Variants in ALG13 observed in about 807,000 individuals in gnomAD.
ALG13 encodes the protein UDP-N-acetylglucosamine transferase subunit ALG13.
In ALG13, 11 loss-of-function variants were observed where a neutral mutation model predicts 87.8. That is an observed-to-expected ratio of 0.13 (90% CI 0.08 to 0.21). The LOEUF (loss-of-function observed/expected upper bound fraction) is 0.21. Among genes scored for constraint, ALG13 ranks in the 10% least tolerant of loss-of-function variants. ALG13 has a pLI of 1.00. For missense variants in ALG13, 756 were observed against 866.1 expected (o/e 0.87, Z 1.60); for synonymous variants, 320 against 306.3 (o/e 1.04, Z -0.47).
intron 3 of ALG13, among the ~76,000 whole-genome samples, chrX:111,705,670 G>T (rs925082388): frequency 2.7e-5 from 3 of 111,290 alleles, no homozygotes; most frequent in Non-Finnish European, 5.7e-5. Context: ...TTTGCATGTG[G>T]ATGGTCAATT....
intron 3 of ALG13, 66 bp downstream of exon 3, chrX:111,685,169 C>G: frequency 9.3e-7 from 1 of 1,072,410 alleles, no homozygotes; most frequent in Non-Finnish European, 1.3e-6. Context: ...CTCTTATCCA[C>G]CTACCTAACC....
chrX:111,726,936 G>A lies in ALG13; in HGVS notation c.1857G>A (p.Met619Ile), dbSNP rs1387730732. The A allele has an allele frequency of 8.3e-7, 1 of 1,211,625 alleles. No individual in the cohort carries two copies. Among genetic ancestry groups the A allele is most frequent in the Admixed American group, 2.2e-5 (1 of 46,061 alleles). The part of the protein sequence containing the change: ...PLLPPRLQHS[M>I]HYGHDPPMHY... ...TCCCACCCAGGCTGCAGCACAGTATGCATTATGGGCACGATCCTCCAATGC... is the reference window on the plus strand; with the variant it reads ...TCCCACCCAGGCTGCAGCACAGTATACATTATGGGCACGATCCTCCAATGC... The change falls in exon 16 of 27, where the codon ATG becomes ATA. Residue 619 changes from methionine to isoleucine, a missense_variant. Coordinates refer to ENST00000394780, the MANE Select transcript of ALG13 (RefSeq NM_001099922.3).
At chrX:111,729,291 A>C (rs1291853941) in intron 19 of ALG13, among the ~76,000 whole-genome samples, 1 of 111,838 alleles carries the variant, frequency 8.9e-6, no homozygotes, top group Non-Finnish European at 1.9e-5. Context: ...TCCCTATTGA[A>C]ACAATTGTGG....
chrX:111,724,310 G>A (rs1363386671), intron 14 of ALG13, among the ~76,000 whole-genome samples: 1 of 111,903 alleles, frequency 8.9e-6, no homozygotes, highest in Non-Finnish European at 1.9e-5. Context: ...AGTCTCTAAA[G>A]TTTCTGATTC....
intron 20 of ALG13, 35 bp downstream of exon 20, chrX:111,730,462 A>G: frequency 5.0e-6 from 6 of 1,198,944 alleles, no homozygotes; most frequent in Non-Finnish European, 6.8e-6. Context: ...GGCATTCATC[A>G]TTGTTTATAG....
At chrX:111,738,656 A>T (rs1238922066) in intron 23 of ALG13, among the ~76,000 whole-genome samples, 1 of 111,208 alleles carries the variant, frequency 9.0e-6, no homozygotes, top group Non-Finnish European at 1.9e-5. Context: ...CTGCTGCCTC[A>T]GCCCCCCAGT....
At chrX:111,712,684 G>A in intron 7 of ALG13, among the ~76,000 whole-genome samples, 154 bp downstream of exon 7, 1 of 111,532 alleles carries the variant, frequency 9.0e-6, no homozygotes, top group Middle Eastern at 4.7e-3. Flanking sequence ...TATTTTAAAT[G>A]GTTGAAAAGT....
intron 23 of ALG13, among the ~76,000 whole-genome samples, chrX:111,738,308 G>A (rs1195050664): frequency 8.9e-6 from 1 of 111,834 alleles, no homozygotes; most frequent in Non-Finnish European, 1.9e-5. Context: ...GGGACCAGAA[G>A]TGTTTTGGAC....
Position 111,722,805 on chromosome X carries a change from C to A in ALG13, c.1448C>A (p.Ser483Tyr), listed in dbSNP as rs768863519. The part of the protein sequence containing the change: ...WLDSRKELQK[S>Y]DYMEYAGRQY... The stretch of plus-strand genomic sequence containing the variant: ...TTTCTTTTAATAGAACTTCAAAAAT[C>A]TGATTACATGGAGTATGCTGGGAGA... The change falls in exon 13 of 27, where the codon TCT (serine) becomes TAT (tyrosine). Residue 483 changes from serine to tyrosine, a missense_variant. Ser to Tyr is a moderately radical substitution (Grantham distance 144). Around this residue, in one of 9 missense-constraint regions of ALG13, gnomAD observed 362 missense variants for 383.5 expected, o/e 0.94. Transcript: ENST00000394780. 1 of 1,196,997 alleles carries A rather than the reference C, an allele frequency of 8.4e-7. No individual in the cohort carries two copies. The highest frequency in any genetic ancestry group is 1.1e-6 in the Non-Finnish European group (1 of 885,203).
chrX:111,730,085 G>A (rs1282541273), intron 19 of ALG13, among the ~76,000 whole-genome samples: 1 of 112,065 alleles, frequency 8.9e-6, no homozygotes, highest in Non-Finnish European at 1.9e-5. Flanking sequence ...TCACTCCAGA[G>A]CCTATGTGCT....
intron 11 of ALG13, among the ~76,000 whole-genome samples, chrX:111,721,056 G>T (rs1433625597): frequency 3.3e-4 from 29 of 87,703 alleles, no homozygotes; most frequent in South Asian, 5.7e-4. Flanking sequence ...GAACGACGTG[G>T]TTTTTTTTTT....
At chrX:111,682,349 GTTCTGGGGTA>G (rs1933658556) in intron 2 of ALG13, 55 bp downstream of exon 2, 1 of 1,000,790 alleles carries the variant, frequency 1.0e-6, no homozygotes, top group Non-Finnish European at 1.3e-6. Flanking sequence ...TTTTTTTTAA[GTTCTGGGGTA>G]TTCTGGGGGT....
At chrX:111,741,910 C>T (rs1168484954) in intron 23 of ALG13, among the ~76,000 whole-genome samples, 1 of 111,128 alleles carries the variant, frequency 9.0e-6, no homozygotes, top group East Asian at 2.8e-4. Flanking sequence ...TTAATGTAGA[C>T]ACTACTTTTA....
chrX:111,736,686 A>G, intron 22 of ALG13, 28 bp from the exon 23 acceptor site: 1 of 1,189,596 alleles, frequency 8.4e-7, no homozygotes, highest in Non-Finnish European at 1.1e-6. Context: ...CAAACTTAAG[A>G]GTTTTGAACT....
intron 25 of ALG13, among the ~76,000 whole-genome samples, chrX:111,754,052 G>A (rs1217654407): frequency 4.5e-5 from 5 of 111,784 alleles, no homozygotes; most frequent in Non-Finnish European, 9.4e-5. Flanking sequence ...GAATCCAGCA[G>A]CACATTAAAA....
Position 111,752,830 on chromosome X carries a change from G to A in ALG13, c.2973G>A (p.Gln991=), listed in dbSNP as rs754852757. The change falls in exon 25 of 27, where the codon CAG becomes CAA. Residue 991 remains glutamine (Q), a splice_region_variant and synonymous_variant. Coordinates refer to ENST00000394780, the MANE Select transcript of ALG13 (RefSeq NM_001099922.3). Reference sequence around the variant, plus strand: ...AGTACTATTTCAATCTAGGATTGCAGGTAAGTGCCATGTTAAAATTTCTTT... The same window carrying A: ...AGTACTATTTCAATCTAGGATTGCAAGTAAGTGCCATGTTAAAATTTCTTT... ...VLQYYFNLGL[Q]CYYHSYWHSM... 8.4e-7 allele frequency: 1 copy of A among 1,186,398 alleles called. No homozygotes were observed. Among genetic ancestry groups the A allele is most frequent in the South Asian group, 1.9e-5 (1 of 53,566 alleles).
intron 22 of ALG13, among the ~76,000 whole-genome samples, chrX:111,736,081 G>T (rs994489021): frequency 9.0e-6 from 1 of 111,464 alleles, no homozygotes; most frequent in South Asian, 3.8e-4. Flanking sequence ...AGGCGGGCAG[G>T]TTACTTGAGC....
At chrX:111,695,536 AAAC>A (rs1199923343) in intron 3 of ALG13, among the ~76,000 whole-genome samples, 3 of 110,079 alleles carry the variant, frequency 2.7e-5, no homozygotes, top group African/African-American at 9.9e-5. Context: ...AAAAAAAAAA[AAAC>A]AAACCCTCAG....
intron 7 of ALG13, 47 bp from the exon 8 acceptor site, chrX:111,713,178 G>A (rs778784284): frequency 3.4e-6 from 3 of 869,717 alleles, no homozygotes; most frequent in East Asian, 3.2e-5. Context: ...TATCTCTTAC[G>A]TATGCCAAAT....
Sources: gnomAD v4.1 joint callset for allele counts (sites outside exome capture counted in the v4.1 genomes callset) on GRCh38, gnomAD v4.1.1 for gene constraint, gnomAD v4.1.1 regional missense constraint, MANE v1.5 for transcripts, NCBI Gene and HGNC (gene_info 2026-07-23, HGNC 2026-07-21) for gene names.